DSC3: variants seen among roughly 807,000 people sequenced by gnomAD.
The protein encoded by DSC3 is desmocollin 3, also known as desmocollin-3.
DSC3 carries 97 observed loss-of-function variants against 89.5 expected under a neutral mutation model. The ratio of observed to expected loss-of-function variants is 1.08; its 90% CI spans 0.92 to 1.28. DSC3 has a LOEUF of 1.28. DSC3 is among the 50% of genes most tolerant of loss of function. DSC3 has a pLI of 0.00. For missense variants in DSC3, 1,199 were observed against 1,085.3 expected (o/e 1.10, Z -1.47); for synonymous variants, 436 against 384.1 (o/e 1.14, Z -1.58).
At chr18:31,001,874 G>T in intron 13 of DSC3, 135 bp from the exon 14 acceptor site, 2 of 698,444 alleles carry the variant, frequency 2.9e-6, no homozygotes, top group Non-Finnish European at 4.4e-6. Flanking sequence ...AATTATCTTG[G>T]CTGTTCTAAG....
chr18:31,004,386 G>A lies in DSC3; in HGVS notation c.1889-20C>T. ...CTGTATCTGAAAGAAAATAAAAGAAGTTTATTTTTTAATGATCATTTATTC... is the reference window on the plus strand; with the variant it reads ...CTGTATCTGAAAGAAAATAAAAGAAATTTATTTTTTAATGATCATTTATTC... On this transcript the variant is annotated intron_variant, in intron 12 of 15. Transcript: ENST00000360428. 6.3e-7 allele frequency: 1 copy of A among 1,593,182 alleles called. No individual in the cohort carries two copies. The highest frequency in any genetic ancestry group is 8.6e-7 in the Non-Finnish European group (1 of 1,162,670).
intron 14 of DSC3, among the ~76,000 whole-genome samples, chr18:30,998,030 T>A (rs1346311244): frequency 6.6e-6 from 1 of 152,202 alleles, no homozygotes; most frequent in Non-Finnish European, 1.5e-5. Context: ...AAAAATAGAC[T>A]TTATTATGAA....
intron 1 of DSC3, 30 bp from the exon 2 acceptor site, chr18:31,032,306 T>C (rs1054196061): frequency 6.6e-7 from 1 of 1,512,592 alleles, no homozygotes; most frequent in Admixed American, 1.7e-5. Context: ...ATTAATACAG[T>C]AGAAAATAAA....
At chr18:31,027,846 C>A (rs924448487) in intron 4 of DSC3, among the ~76,000 whole-genome samples, 1 of 152,090 alleles carries the variant, frequency 6.6e-6, no homozygotes, top group African/African-American at 2.4e-5. Context: ...GGTAATAAAT[C>A]CTTATCTGTT....
chr18:31,023,528 C>T (rs530442733), intron 6 of DSC3, among the ~76,000 whole-genome samples: 3 of 151,864 alleles, frequency 2.0e-5, no homozygotes, highest in South Asian at 2.1e-4. Flanking sequence ...AATTGTACCA[C>T]GTGAGTAATA....
At chr18:31,014,743 A>G (rs1248330113) in intron 9 of DSC3, among the ~76,000 whole-genome samples, 3 of 152,178 alleles carry the variant, frequency 2.0e-5, no homozygotes, top group African/African-American at 7.2e-5. Context: ...GATGTAATAT[A>G]TTCTGTGACA....
At chr18:30,997,640 G>C (rs1469171366) in intron 14 of DSC3, among the ~76,000 whole-genome samples, 4 of 152,150 alleles carry the variant, frequency 2.6e-5, no homozygotes, top group Non-Finnish European at 5.9e-5. Context: ...GATAGACATA[G>C]TCTCTCGATG....
intron 13 of DSC3, among the ~76,000 whole-genome samples, chr18:31,003,474 A>G (rs1567950645): frequency 6.6e-6 from 1 of 152,202 alleles, no homozygotes; most frequent in South Asian, 2.1e-4. Flanking sequence ...CTTCACATGC[A>G]TTACCTCATT....
intron 14 of DSC3, among the ~76,000 whole-genome samples, chr18:30,998,515 G>A (rs981536014): frequency 6.6e-6 from 1 of 152,176 alleles, no homozygotes; most frequent in African/African-American, 2.4e-5. Context: ...TTGAGCTGGA[G>A]ATATAATTCT....
Position 30,990,854 on chromosome 18 carries a change from G to C in DSC3, c.*3321C>G, listed in dbSNP as rs1004735769. 2.6e-5 allele frequency: 4 copies of C among 152,124 alleles called. No homozygotes were observed. Among genetic ancestry groups the C allele is most frequent in the African/African-American group, 9.7e-5 (4 of 41,422 alleles). 9.4% of individuals were successfully genotyped at this position (152,124 alleles called of 1,614,324 possible). Reference sequence around the variant, plus strand: ...ACATATGTATCATAGATACTCATCTGTAAAGCTGTGCTTCAAAATAGTGAT... The same window carrying C: ...ACATATGTATCATAGATACTCATCTCTAAAGCTGTGCTTCAAAATAGTGAT... On this transcript the variant is annotated 3_prime_UTR_variant, in exon 16 of 16. Transcript: ENST00000360428.
chr18:31,024,501 A>G lies in DSC3; in HGVS notation c.631-8T>C. Reference sequence around the variant, plus strand: ...TGACGCATAAGCAATCAACTGCAAAATAGCAAAAAGAAAGTTCCATTAATA... The same window carrying G: ...TGACGCATAAGCAATCAACTGCAAAGTAGCAAAAAGAAAGTTCCATTAATA... On this transcript the variant is annotated splice_region_variant and splice_polypyrimidine_tract_variant and intron_variant, in intron 5 of 15. Transcript: ENST00000360428. 6.2e-7 allele frequency: 1 copy of G among 1,611,860 alleles called. No individual in the cohort carries two copies.
intron 1 of DSC3, among the ~76,000 whole-genome samples, chr18:31,041,667 C>G (rs1218718300): frequency 6.6e-6 from 1 of 152,230 alleles, no homozygotes; most frequent in Non-Finnish European, 1.5e-5. Context: ...AAGCCTGAAG[C>G]TTCGCGTGTA....
At chr18:31,025,969 AT>A in intron 4 of DSC3, 54 bp from the exon 5 acceptor site, 2 of 1,480,568 alleles carry the variant, frequency 1.4e-6, no homozygotes, top group Non-Finnish European at 9.3e-7. Context: ...CAGTTACAAT[AT>A]TTTTTAAATG....
rs906280962 is a variant in DSC3, at chr18:30,990,433, A to T, written c.*3742T>A. ...AAATCCAATGAACATTCTTGAAGAC[A>T]TACACAAAAATAATGGTTACAATAG... On this transcript the variant is annotated 3_prime_UTR_variant, in exon 16 of 16. Coordinates refer to ENST00000360428, the MANE Select transcript of DSC3 (RefSeq NM_001941.5). The T allele has an allele frequency of 3.9e-5, 6 of 152,230 alleles. No homozygotes were observed. The highest frequency in any genetic ancestry group is 1.4e-4 in the African/African-American group (6 of 41,458). The allele number at this position is 152,230 out of a possible 1,614,324, so 9.4% of individuals were successfully genotyped here.
At position 31,025,778 on chromosome 18, in the gene DSC3, T is replaced by C. The variant is rs1240238570; in HGVS notation, c.612A>G (p.Glu204=). ...NLFCTRPVDR[E]EYDVFDLIAY... ...GTCCTACATCAAAAACATCATATTC[T>C]TCACGATCCACAGGCCGAGTGCAAA... The change falls in exon 5 of 16, where the codon GAA becomes GAG. Residue 204 remains glutamate, a synonymous_variant. Coordinates refer to ENST00000360428, the MANE Select transcript of DSC3 (RefSeq NM_001941.5). The C allele has an allele frequency of 6.2e-7, 1 of 1,613,154 alleles. No homozygotes were observed.
chr18:31,008,623 A>C, intron 9 of DSC3, 98 bp from the exon 10 acceptor site: 2 of 1,471,406 alleles, frequency 1.4e-6, no homozygotes, highest in South Asian at 1.1e-5. Context: ...GTGCTGCATA[A>C]ATTCTATGTT....
intron 1 of DSC3, among the ~76,000 whole-genome samples, chr18:31,033,200 TG>T (rs748369760): frequency 7.2e-5 from 11 of 152,190 alleles, no homozygotes; most frequent in Non-Finnish European, 1.5e-4. Context: ...CCCATCTTCA[TG>T]GCTATTCCCC....
chr18:31,021,056 G>GTTT (rs11463125), intron 7 of DSC3, among the ~76,000 whole-genome samples: 1 of 144,826 alleles, frequency 6.9e-6, no homozygotes, highest in Non-Finnish European at 1.5e-5. Context: ...TAAATTCACT[G>GTTT]TTTTTTTTTT....
rs1329370751 is a variant in DSC3 at position 31,032,179 on chromosome 18, T to C, written c.154+13A>G. The C allele has an allele frequency of 6.3e-7, 1 of 1,593,970 alleles. No homozygotes were observed. Among genetic ancestry groups the C allele is most frequent in the Non-Finnish European group, 8.6e-7 (1 of 1,161,764 alleles). ...TAAATTTCTGCTTTAAAAAGACTTT[T>C]AAAATTTCTCACCTCTGCCAATTAT... On this transcript the variant is annotated intron_variant, in intron 2 of 15. Coordinates refer to ENST00000360428, the MANE Select transcript of DSC3 (RefSeq NM_001941.5).
Sources: gnomAD v4.1 joint callset for allele counts (sites outside exome capture counted in the v4.1 genomes callset) on GRCh38, gnomAD v4.1.1 for gene constraint, MANE v1.5 for transcripts, NCBI Gene and HGNC (gene_info 2026-07-23, HGNC 2026-07-21) for gene names.